Variants in IFT74 observed in about 807,000 individuals in gnomAD.
IFT74 encodes the protein intraflagellar transport protein 74 homolog.
A neutral mutation model predicts 96.7 loss-of-function variants in IFT74; 92 were observed. The ratio of observed to expected loss-of-function variants is 0.95; its 90% CI spans 0.80 to 1.13. The LOEUF (loss-of-function observed/expected upper bound fraction) is 1.13, where lower values mean the gene tolerates loss of function less well. Ranked by LOEUF, IFT74 falls within the 50% of genes most tolerant of loss-of-function variation. The pLI is 0.00. For synonymous variants in IFT74, 223 were observed against 213.2 expected, an observed-to-expected ratio of 1.05 and a Z score of -0.40; for missense variants, 811 against 698.2, an observed-to-expected ratio of 1.16 and a Z score of -1.82.
In IFT74 at chr9:26,962,845, A is replaced by T. The variant is rs73433985; in HGVS notation, c.120+758A>T. ...AAATAAAACACCATAAAAAATTAGA[A>T]ATGACAACTGGTAAAAACATTTATA... On this transcript the variant is annotated intron_variant, in intron 2 of 19. Transcript: ENST00000380062. Among the ~76,000 whole-genome samples, 864 of 152,148 alleles carry T rather than the reference A, an allele frequency of 5.7e-3. 10 individuals carry two copies. The highest frequency in any genetic ancestry group is 0.02 in the African/African-American group (811 of 41,560).
At chr9:27,013,027 T>C (rs1829180813) in intron 10 of IFT74, among the ~76,000 whole-genome samples, 1 of 152,104 alleles carries the variant, frequency 6.6e-6, no homozygotes, top group South Asian at 2.1e-4. Flanking sequence ...AAAATGTCTG[T>C]TTTGTGTCCT....
In IFT74 at chr9:27,065,524, T is replaced by A. The variant is rs899905673; in HGVS notation, c.*2788T>A. 3.9e-5 allele frequency among the ~76,000 whole-genome samples: 6 copies of A among 152,228 alleles called. No individual in the cohort carries two copies. Among genetic ancestry groups the A allele is most frequent in the African/African-American group, 1.2e-4 (5 of 41,466 alleles). ...TCTTTGTTTTTCCCATCCTTATCTT[T>A]TATCAGTAAATAAACATGAGTTCTT... On this transcript the variant is annotated 3_prime_UTR_variant, in exon 20 of 20. Coordinates refer to ENST00000380062, the MANE Select transcript of IFT74 (RefSeq NM_025103.4).
intron 13 of IFT74, among the ~76,000 whole-genome samples, chr9:27,041,992 G>T (rs1819500087): frequency 6.6e-6 from 1 of 152,154 alleles, no homozygotes; most frequent in African/African-American, 2.4e-5. Context: ...CAATCTGTTG[G>T]CAACTAGGAG....
chr9:27,047,793 A>G (rs1819756725), intron 15 of IFT74, among the ~76,000 whole-genome samples: 5 of 152,334 alleles, frequency 3.3e-5, no homozygotes, highest in Middle Eastern at 3.4e-3. Context: ...TGTAATGAGT[A>G]TCTCAAATTA....
intron 2 of IFT74, among the ~76,000 whole-genome samples, chr9:26,972,260 A>G (rs1826912729): frequency 6.6e-6 from 1 of 152,014 alleles, no homozygotes; most frequent in Admixed American, 6.6e-5. Flanking sequence ...TCACCTCTCT[A>G]TTTTTTGGTT....
At chr9:26,992,984 A>G (rs1563956667) in intron 8 of IFT74, among the ~76,000 whole-genome samples, 2 of 152,220 alleles carry the variant, frequency 1.3e-5, no homozygotes, top group South Asian at 4.1e-4. Flanking sequence ...GCCTCAATAT[A>G]TTACAACAAC....
At chr9:26,961,083 G>GTTTTTT (rs1349288699) in intron 1 of IFT74, among the ~76,000 whole-genome samples, 2 of 118,510 alleles carry the variant, frequency 1.7e-5, no homozygotes, top group Non-Finnish European at 3.6e-5. Context: ...AGTGAATCTT[G>GTTTTTT]TTTTTTTTTT....
chr9:27,007,464 A>G (rs1197023946), intron 8 of IFT74, among the ~76,000 whole-genome samples: 1 of 152,210 alleles, frequency 6.6e-6, no homozygotes, highest in Non-Finnish European at 1.5e-5. Flanking sequence ...CTTTGAGCTC[A>G]TATACCTATA....
At chr9:27,054,129 C>T (rs575204488) in intron 16 of IFT74, among the ~76,000 whole-genome samples, 39 of 152,302 alleles carry the variant, frequency 2.6e-4, no homozygotes, top group African/African-American at 7.9e-4. Context: ...GGATAACAGC[C>T]TGTTTTCTCA....
intron 16 of IFT74, among the ~76,000 whole-genome samples, chr9:27,052,148 A>C (rs919236478): frequency 3.9e-5 from 6 of 152,224 alleles, no homozygotes; most frequent in African/African-American, 1.4e-4. Context: ...CCAGGAAACA[A>C]ATTCAATAAT....
At chr9:27,036,469 G>A in intron 13 of IFT74, 1 of 1,613,684 alleles carries the variant, frequency 6.2e-7, no homozygotes, top group South Asian at 1.1e-5. Context: ...ACTATGGATG[G>A]AAAATACTTG....
At chr9:27,012,246 A>G (rs1184999696) in intron 10 of IFT74, among the ~76,000 whole-genome samples, 2 of 152,172 alleles carry the variant, frequency 1.3e-5, no homozygotes, top group African/African-American at 2.4e-5. Flanking sequence ...TTTTAGAGAC[A>G]GAGTCTTTCT....
intron 12 of IFT74, among the ~76,000 whole-genome samples, chr9:27,023,130 C>T (rs932328882): frequency 2.0e-5 from 3 of 152,140 alleles, no homozygotes; most frequent in African/African-American, 7.2e-5. Context: ...TTCCTCTTTA[C>T]TGATGTAGAT....
chr9:26,951,484 A>T (rs1276126504), upstream of IFT74, among the ~76,000 whole-genome samples: 1 of 152,234 alleles, frequency 6.6e-6, no homozygotes, highest in Non-Finnish European at 1.5e-5. Flanking sequence ...ATTAAAATGC[A>T]TTGGAAAATG....
In IFT74 at chr9:27,044,738, A is replaced by C. The variant is rs753366956; in HGVS notation, c.1055-4A>C. The C allele has an allele frequency of 6.4e-7, 1 of 1,551,454 alleles. No individual in the cohort carries two copies. The highest frequency in any genetic ancestry group is 1.7e-4 in the Middle Eastern group (1 of 5,922). On this transcript the variant is annotated splice_region_variant and splice_polypyrimidine_tract_variant and intron_variant, in intron 13 of 19. Transcript: ENST00000380062. ...ATTCATGTTGTATTTTATATCTCTC[A>C]TAGGTGAAATGAACCAGAAATACAA...
intron 1 of IFT74, among the ~76,000 whole-genome samples, chr9:26,948,922 C>T (rs987489702): frequency 6.6e-6 from 1 of 152,098 alleles, no homozygotes; most frequent in East Asian, 1.9e-4. Flanking sequence ...CTCCATGTCT[C>T]TATGCTCTTT....
intron 1 of IFT74, among the ~76,000 whole-genome samples, chr9:26,951,203 A>G (rs989707564): frequency 1.3e-5 from 2 of 152,222 alleles, no homozygotes; most frequent in Non-Finnish European, 2.9e-5. Flanking sequence ...TTAAAATTTA[A>G]TTTTAAAAGC....
Position 26,999,676 on chromosome 9 carries a change from T to C in IFT74, c.588-9344T>C, listed in dbSNP as rs759740025. 2.4e-5 allele frequency: 38 copies of C among 1,609,820 alleles called. No homozygotes were observed. In the South Asian group the frequency reaches 4.1e-4, roughly 17 times the overall value. On this transcript the variant is annotated intron_variant, in intron 8 of 19. Transcript: ENST00000380062. Reference sequence around the variant, plus strand: ...ATGGAGAGGGGCCAAAAGAGGATTGTGATGCCTGTGACTTTCATGTTGCAG... The same window carrying C: ...ATGGAGAGGGGCCAAAAGAGGATTGCGATGCCTGTGACTTTCATGTTGCAG...
rs1275987733 is a variant in IFT74 at position 27,062,631 on chromosome 9, G to C, written c.1698G>C (p.Lys566Asn). The C allele has an allele frequency of 6.3e-7, 1 of 1,593,474 alleles. No homozygotes were observed. Among genetic ancestry groups the C allele is most frequent in the Non-Finnish European group, 8.6e-7 (1 of 1,165,082 alleles). Residue 566 changes from lysine to asparagine, a missense_variant, in exon 20 of 20, where the codon AAG (lysine) becomes AAC (asparagine). Transcript: ENST00000380062. ...NFAMKEFIATKSQESDYQPIK... is the reference protein window; with the variant it reads ...NFAMKEFIATNSQESDYQPIK... ...TCATGTAATTAGTCATAGCAACCAA[G>C]AGTCAAGAGAGTGATTACCAGCCAA...
Sources: allele counts gnomAD v4.1 joint callset (sites outside exome capture counted in the v4.1 genomes callset), GRCh38; gene constraint gnomAD v4.1.1; transcripts MANE v1.5; gene names NCBI Gene and HGNC (gene_info 2026-07-23, HGNC 2026-07-21).